PAPSS2: variants seen among roughly 807,000 people sequenced by gnomAD.
PAPSS2 encodes 3'-phosphoadenosine 5'-phosphosulfate synthase 2, also known as bifunctional 3'-phosphoadenosine 5'-phosphosulfate synthase 2.
Under a neutral mutation model 66.5 loss-of-function variants are expected in PAPSS2, and 61 were observed. The observed-to-expected ratio is 0.92, with a 90% CI of 0.75 to 1.14. The LOEUF is 1.14. Among genes scored for constraint, PAPSS2 ranks in the 50% most tolerant of loss-of-function variants. PAPSS2 has a pLI of 0.00. For synonymous variants in PAPSS2, 289 were observed against 287.5 expected, an observed-to-expected ratio of 1.01 and a Z score of -0.05; for missense variants, 708 against 789.6, an observed-to-expected ratio of 0.90 and a Z score of 1.24.
chr10:87,730,307 G>GA (rs1394320325), intron 9 of PAPSS2, among the ~76,000 whole-genome samples: 1 of 152,180 alleles, frequency 6.6e-6, no homozygotes, highest in African/African-American at 2.4e-5. Flanking sequence ...ATACCATCCT[G>GA]AGATTATAGA....
At chr10:87,700,814 A>T (rs1853294524) in intron 1 of PAPSS2, among the ~76,000 whole-genome samples, 1 of 152,078 alleles carries the variant, frequency 6.6e-6, no homozygotes, top group African/African-American at 2.4e-5. Flanking sequence ...AACTACCAAA[A>T]GATATCCAAA....
intron 1 of PAPSS2, among the ~76,000 whole-genome samples, chr10:87,678,397 T>C (rs942377581): frequency 6.6e-6 from 1 of 152,234 alleles, no homozygotes; most frequent in Non-Finnish European, 1.5e-5. Context: ...AAATATTTTA[T>C]GGTTAAGACC....
chr10:87,683,831 A>T (rs1853055559), intron 1 of PAPSS2, among the ~76,000 whole-genome samples: 1 of 152,110 alleles, frequency 6.6e-6, no homozygotes, highest in South Asian at 2.1e-4. Context: ...TTGGGACCAC[A>T]GGTGCAAACC....
intron 11 of PAPSS2, 103 bp from the exon 12 acceptor site, chr10:87,744,899 C>G: frequency 1.0e-6 from 1 of 953,118 alleles, no homozygotes; most frequent in Non-Finnish European, 1.7e-6. Context: ...AGTTGACTCA[C>G]ATTGCTGAAT....
chr10:87,741,043 G>T (rs1368281689), intron 9 of PAPSS2, among the ~76,000 whole-genome samples, 192 bp from the exon 10 acceptor site: 10 of 152,098 alleles, frequency 6.6e-5, no homozygotes, highest in Admixed American at 4.6e-4. Flanking sequence ...ATGGTGGGGG[G>T]TACTCAATAA....
At chr10:87,697,143 TGAG>T (rs1156341316) in intron 1 of PAPSS2, among the ~76,000 whole-genome samples, 1 of 152,200 alleles carries the variant, frequency 6.6e-6, no homozygotes, top group Non-Finnish European at 1.5e-5. Flanking sequence ...TTGACAGTTT[TGAG>T]GAGTACAGGT....
chr10:87,673,601 TG>T, intron 1 of PAPSS2, among the ~76,000 whole-genome samples: 1 of 151,612 alleles, frequency 6.6e-6, no homozygotes, highest in African/African-American at 2.4e-5. Context: ...TGTGTGTGTG[TG>T]TCTAATTCCT....
At chr10:87,721,635 T>C in intron 7 of PAPSS2, 121 bp from the exon 8 acceptor site, 1 of 679,150 alleles carries the variant, frequency 1.5e-6, no homozygotes, top group Non-Finnish European at 2.6e-6. Flanking sequence ...ACAAAGCTAG[T>C]ATATTTGTAT....
intron 9 of PAPSS2, among the ~76,000 whole-genome samples, chr10:87,740,924 G>A (rs762888213): frequency 7.2e-5 from 11 of 152,178 alleles, no homozygotes; most frequent in Non-Finnish European, 1.6e-4. Context: ...CAGGCAATAG[G>A]TTTATTAATG....
rs1051470521 is a variant in PAPSS2, at chr10:87,746,356, T to C, written c.*386T>C. 6.1e-6 allele frequency: 1 copy of C among 162,980 alleles called. No individual in the cohort carries two copies. The highest frequency in any genetic ancestry group is 1.3e-5 in the Non-Finnish European group (1 of 75,302). 10.1% of individuals were successfully genotyped at this position (162,980 alleles called of 1,614,324 possible). A position where few individuals can be genotyped will look rare whatever the true frequency, so the allele number is the denominator to read the frequency against. On this transcript the variant is annotated 3_prime_UTR_variant, in exon 13 of 13. Transcript: ENST00000456849. ...GACAACCTGTACTCTTCCAATGTCA[T>C]TTATCAGTTGTAAAATATATCAGAT... is the stretch of plus-strand genomic sequence containing the variant.
chr10:87,745,783 G>T (rs1331129044), intron 12 of PAPSS2, 49 bp from the exon 13 acceptor site: 1 of 1,602,544 alleles, frequency 6.2e-7, no homozygotes, highest in Admixed American at 1.7e-5. Context: ...AATCCTTAAG[G>T]CAGATATCAT....
chr10:87,741,071 G>A (rs911268173), intron 9 of PAPSS2, among the ~76,000 whole-genome samples, 164 bp from the exon 10 acceptor site: 1 of 152,100 alleles, frequency 6.6e-6, no homozygotes, highest in African/African-American at 2.4e-5. Flanking sequence ...AGAGCATAAC[G>A]GGTTCTAGAG....
At chr10:87,718,233 T>A (rs999093587) in intron 7 of PAPSS2, among the ~76,000 whole-genome samples, 4 of 152,030 alleles carry the variant, frequency 2.6e-5, no homozygotes, top group Non-Finnish European at 2.9e-5. Flanking sequence ...TTTCACTATG[T>A]TGGCCAGGCT....
At chr10:87,740,398 T>C (rs1853853286) in intron 9 of PAPSS2, among the ~76,000 whole-genome samples, 3 of 152,212 alleles carry the variant, frequency 2.0e-5, no homozygotes, top group Non-Finnish European at 4.4e-5. Flanking sequence ...ACTAGTAGTT[T>C]CTAATTGGCC....
At chr10:87,718,507 C>G (rs918256912) in intron 7 of PAPSS2, among the ~76,000 whole-genome samples, 1 of 152,220 alleles carries the variant, frequency 6.6e-6, no homozygotes, top group Non-Finnish European at 1.5e-5. Flanking sequence ...TTCCAAGCCC[C>G]TACCTGCTCA....
At chr10:87,663,453 G>A (rs754822799) in intron 1 of PAPSS2, among the ~76,000 whole-genome samples, 113 of 152,054 alleles carry the variant, frequency 7.4e-4, no homozygotes, top group Non-Finnish European at 1.4e-3. Flanking sequence ...CACTACCGAA[G>A]GCAAGACATG....
chr10:87,707,564 C>CTTTTTTTTTTTTTTT (rs747152482), intron 1 of PAPSS2, among the ~76,000 whole-genome samples: 45 of 93,976 alleles, frequency 4.8e-4, no homozygotes, highest in Non-Finnish European at 6.8e-4. Context: ...TCTTTTTTTT[C>CTTTTTTTTTTTTTTT]TTTTTTTTTT....
At chr10:87,674,886 G>A (rs763874358) in intron 1 of PAPSS2, among the ~76,000 whole-genome samples, 7 of 152,030 alleles carry the variant, frequency 4.6e-5, no homozygotes, top group Admixed American at 3.3e-4. Flanking sequence ...ATCCATAGGC[G>A]ACCATAGGGG....
intron 1 of PAPSS2, among the ~76,000 whole-genome samples, chr10:87,675,526 G>A (rs1852933109): frequency 6.6e-6 from 1 of 152,058 alleles, no homozygotes; most frequent in Non-Finnish European, 1.5e-5. Context: ...TGTATAGGGG[G>A]GCCAAGTTTC....
Sources: allele counts gnomAD v4.1 joint callset (sites outside exome capture counted in the v4.1 genomes callset), GRCh38; gene constraint gnomAD v4.1.1; transcripts MANE v1.5; gene names NCBI Gene and HGNC (gene_info 2026-07-23, HGNC 2026-07-21).